The following CATSPERT variants were observed in gnomAD, a reference collection of about 807,000 sequenced individuals.
CATSPERT encodes catsper channel auxiliary subunit tau.
chr2:201,491,368 G>T, the CATSPERT span: 1 of 1,536,992 alleles, frequency 6.5e-7, no homozygotes, highest in Non-Finnish European at 8.7e-7. Context: ...GAAGAGGTGT[G>T]GTTTCAAGTT....
At chr2:201,497,193 C>G in the CATSPERT span, among the ~76,000 whole-genome samples, 2 of 152,174 alleles carry the variant, frequency 1.3e-5, no homozygotes, top group African/African-American at 4.8e-5. Flanking sequence ...TGACCCTATT[C>G]TTAAAGCCTC....
the CATSPERT span, among the ~76,000 whole-genome samples, chr2:201,556,448 G>A: frequency 4.6e-5 from 7 of 150,682 alleles, no homozygotes; most frequent in East Asian, 1.2e-3. Context: ...GGCGGAGCTT[G>A]CAGTGAGCCG....
chr2:201,530,444 G>C, the CATSPERT span, among the ~76,000 whole-genome samples: 1 of 152,318 alleles, frequency 6.6e-6, no homozygotes, highest in Non-Finnish European at 1.5e-5. Flanking sequence ...AATTCTGTCT[G>C]TGGATAAAAT....
the CATSPERT span, among the ~76,000 whole-genome samples, chr2:201,569,285 A>T: frequency 6.6e-6 from 1 of 152,142 alleles, no homozygotes; most frequent in Non-Finnish European, 1.5e-5. Flanking sequence ...TTTATGATGC[A>T]GGTTAGACTT....
At chr2:201,589,233 T>G in the CATSPERT span, among the ~76,000 whole-genome samples, 504 of 152,288 alleles carry the variant, frequency 3.3e-3, 7 homozygotes, top group African/African-American at 0.011. Flanking sequence ...ATTGAGATTC[T>G]TCAAAGAACT....
At chr2:201,527,884 C>T in the CATSPERT span, among the ~76,000 whole-genome samples, 1 of 151,728 alleles carries the variant, frequency 6.6e-6, no homozygotes, top group African/African-American at 2.4e-5. Flanking sequence ...AAAACAATTG[C>T]AACAAAAATA....
At chr2:201,498,206 G>GA in the CATSPERT span, among the ~76,000 whole-genome samples, 3 of 152,270 alleles carry the variant, frequency 2.0e-5, no homozygotes, top group African/African-American at 7.2e-5. Context: ...GCAAGCTGGA[G>GA]AAAGAGAGAA....
chr2:201,510,337 G>A, the CATSPERT span, among the ~76,000 whole-genome samples: 1 of 143,116 alleles, frequency 7.0e-6, no homozygotes, highest in Non-Finnish European at 1.5e-5. Flanking sequence ...CCAGCTACTC[G>A]GGAGGCTGAG....
At chr2:201,493,421 G>A in the CATSPERT span, 1 of 1,537,056 alleles carries the variant, frequency 6.5e-7, no homozygotes. Flanking sequence ...TAATACTCTT[G>A]GGAATCCTTT....
chr2:201,581,579 T>C, the CATSPERT span, among the ~76,000 whole-genome samples: 541 of 80,184 alleles, frequency 6.7e-3, 76 homozygotes, highest in East Asian at 0.017. Context: ...TATATATATA[T>C]ATATATATAT....
At chr2:201,491,813 T>G in the CATSPERT span, 1 of 1,537,072 alleles carries the variant, frequency 6.5e-7, no homozygotes, top group Non-Finnish European at 8.7e-7. Context: ...TGAGTTATTT[T>G]TGATTTACCA....
the CATSPERT span, among the ~76,000 whole-genome samples, chr2:201,576,699 A>C: frequency 3.9e-5 from 6 of 152,222 alleles, no homozygotes; most frequent in Non-Finnish European, 7.3e-5. Flanking sequence ...GAGGTACTTA[A>C]GGAGAACTGG....
chr2:201,521,787 A>G, the CATSPERT span, among the ~76,000 whole-genome samples: 2 of 152,254 alleles, frequency 1.3e-5, no homozygotes, highest in African/African-American at 2.4e-5. Context: ...CCATTAATAC[A>G]ACATGATCAA....
the CATSPERT span, chr2:201,618,929 G>C: frequency 1.9e-6 from 3 of 1,613,824 alleles, no homozygotes; most frequent in Non-Finnish European, 1.7e-6. Flanking sequence ...GTGCCCTCCT[G>C]GTTCTTGTTC....
At chr2:201,525,448 C>T in the CATSPERT span, among the ~76,000 whole-genome samples, 1 of 152,048 alleles carries the variant, frequency 6.6e-6, no homozygotes, top group Admixed American at 6.6e-5. Context: ...CTCTGAGACC[C>T]AGCAAAAGCA....
chr2:201,510,639 T>C, the CATSPERT span, among the ~76,000 whole-genome samples: 1 of 152,062 alleles, frequency 6.6e-6, no homozygotes, highest in Non-Finnish European at 1.5e-5. Flanking sequence ...AGGGAAAAGG[T>C]AATAAATTGC....
At chr2:201,580,791 G>T in the CATSPERT span, among the ~76,000 whole-genome samples, 1 of 152,174 alleles carries the variant, frequency 6.6e-6, no homozygotes, top group South Asian at 2.1e-4. Flanking sequence ...AAAATGAGCT[G>T]CCGGAAAGTG....
the CATSPERT span, chr2:201,555,396 T>A: frequency 6.6e-6 from 1 of 152,040 alleles, no homozygotes; most frequent in South Asian, 2.1e-4. Flanking sequence ...ATGCCTGTAA[T>A]CCCAGCTACT....
the CATSPERT span, chr2:201,492,093 TTTC>T: frequency 6.6e-7 from 1 of 1,526,676 alleles, no homozygotes; most frequent in East Asian, 2.5e-5. Flanking sequence ...AGGGAAAATA[TTTC>T]TTTTCTTTCT....
Sources: allele counts gnomAD v4.1 joint callset (sites outside exome capture counted in the v4.1 genomes callset), GRCh38; gene constraint gnomAD v4.1.1; transcripts MANE v1.5; gene names NCBI Gene and HGNC (gene_info 2026-07-23, HGNC 2026-07-21).